The following MCM2 variants were observed in gnomAD, a reference collection of about 807,000 sequenced individuals.
MCM2 encodes minichromosome maintenance complex component 2, also known as DNA replication licensing factor MCM2.
A neutral mutation model predicts 86.4 loss-of-function variants in MCM2; 49 were observed. That is an observed-to-expected ratio of 0.57 (90% CI 0.45 to 0.72). The LOEUF is 0.72. Ranked by LOEUF, MCM2 falls within the 30% of genes least tolerant of loss-of-function variation. The probability of loss-of-function intolerance (pLI) is 0.00; values close to 1 mark genes in which losing one functional copy is unlikely to be tolerated. For missense variants in MCM2, 1,038 were observed against 1,259.9 expected (o/e 0.82, Z 2.67); for synonymous variants, 475 against 484.6 (o/e 0.98, Z 0.26).
At chr3:127,615,399 C>T (rs552440747) in intron 8 of MCM2, among the ~76,000 whole-genome samples, 1 of 152,372 alleles carries the variant, frequency 6.6e-6, no homozygotes, top group South Asian at 2.1e-4. Flanking sequence ...CTGGTGGACA[C>T]ATCTCCCAGA....
In MCM2 at chr3:127,601,845, G is replaced by C. The variant is rs1309372272; in HGVS notation, c.236+2298G>C. Among the ~76,000 whole-genome samples, 4 of 152,264 alleles carry C rather than the reference G, an allele frequency of 2.6e-5. No individual in the cohort carries two copies. In the East Asian group the frequency reaches 7.7e-4, roughly 29 times the overall value. The stretch of plus-strand genomic sequence containing the variant: ...ACTCCTCCGTGTTCTTGCCAACATT[G>C]GTCTTTTTGATTCTGGCCATCCCTG... On this transcript the variant is annotated intron_variant, in intron 2 of 15. Coordinates refer to ENST00000265056, the MANE Select transcript of MCM2 (RefSeq NM_004526.4).
At chr3:127,603,438 A>C (rs2074320244) in intron 2 of MCM2, among the ~76,000 whole-genome samples, 1 of 150,790 alleles carries the variant, frequency 6.6e-6, no homozygotes, top group African/African-American at 2.4e-5. Flanking sequence ...CTAGGATTAC[A>C]GGCATGAGCC....
rs774491481 is a variant in MCM2 at position 127,620,753 on chromosome 3, C to T, written c.2321C>T (p.Ala774Val). 3 of 1,613,372 alleles carry T rather than the reference C, an allele frequency of 1.9e-6. No homozygotes were observed. Among genetic ancestry groups the T allele is most frequent in the Non-Finnish European group, 2.5e-6 (3 of 1,179,438 alleles). Reference protein sequence around the residue: ...VRHIESMIRMAEAHARIHLRD... With the variant: ...VRHIESMIRMVEAHARIHLRD... ...CACATCGAGTCCATGATCCGCATGG[C>T]GGAGGCCCACGCGCGCATCCATCTG... The change falls in exon 14 of 16, where the codon GCG becomes GTG. Residue 774 changes from alanine to valine, a missense_variant. Coordinates refer to ENST00000265056, the MANE Select transcript of MCM2 (RefSeq NM_004526.4).
chr3:127,607,507 C>G (rs947951888), intron 6 of MCM2, among the ~76,000 whole-genome samples: 2 of 152,204 alleles, frequency 1.3e-5, no homozygotes, highest in Non-Finnish European at 2.9e-5. Flanking sequence ...GAGGTTCCAC[C>G]TGTGGCCACC....
At position 127,606,315 on chromosome 3, in the gene MCM2, G is replaced by C. The variant is rs758336460; in HGVS notation, c.871G>C (p.Val291Leu). ...TGTCCGCATCTCCCACCTGCCTCTG[G>C]TGGAGGAGCTGCGCTCGCTGAGGTG... ...IHVRISHLPL[V>L]EELRSLRQLH... The change falls in exon 5 of 16, where the codon GTG becomes CTG. Residue 291 changes from valine (V) to leucine (L), a missense_variant. By Grantham distance (32) the Val-to-Leu change is conservative. Transcript: ENST00000265056. This position sits in a 1 kb window ranked among gnomAD's most constrained non-coding sequence, Gnocchi z 4.2. The C allele has an allele frequency of 1.2e-6, 2 of 1,614,264 alleles. No homozygotes were observed. Among genetic ancestry groups the C allele is most frequent in the East Asian group, 4.5e-5 (2 of 44,888 alleles).
intron 8 of MCM2, among the ~76,000 whole-genome samples, chr3:127,611,682 CTTTTTTTTTTTTTTTTTTTTTT>C (rs59607211): frequency 1.8e-5 from 1 of 54,282 alleles, no homozygotes; most frequent in Non-Finnish European, 3.1e-5. Flanking sequence ...CTGCAGCTGA[CTTTTTTTTTTTTTTTTTTTTTT>C]TTTTTTTTTT....
rs1399896987 is a variant in MCM2, at chr3:127,617,310, A to G, written c.1805A>G (p.Glu602Gly). The G allele has an allele frequency of 6.2e-7, 1 of 1,614,078 alleles. No individual in the cohort carries two copies. Among genetic ancestry groups the G allele is most frequent in the Non-Finnish European group, 8.5e-7 (1 of 1,179,982 alleles). Residue 602 changes from glutamate to glycine, a missense_variant, in exon 11 of 16, where the codon GAG becomes GGG. Glu to Gly is a moderately conservative substitution (Grantham distance 98). This residue lies in a region of MCM2 where 3 missense variants were observed against 19.6 expected (regional missense o/e 0.15). Coordinates refer to ENST00000265056, the MANE Select transcript of MCM2 (RefSeq NM_004526.4). This position sits in a 1 kb window ranked among gnomAD's most constrained non-coding sequence, Gnocchi z 4.1. ...MNDQDRTSIH[E>G]AMEQQSISIS... ...GACCAGGACAGAACCAGCATCCATG[A>G]GGCCATGGAGCAACAGAGCATCTCC... is the stretch of plus-strand genomic sequence containing the variant.
intron 1 of MCM2, 46 bp downstream of exon 1, chr3:127,598,518 C>T (rs1559859095): frequency 3.7e-6 from 6 of 1,603,750 alleles, no homozygotes; most frequent in South Asian, 3.3e-5. Flanking sequence ...GACATGGGTG[C>T]GGAGGCTGCG....
chr3:127,621,243 G>T lies in MCM2; in HGVS notation c.2604+15G>T. ...TGGTGGATAAGGTATGGGCCCGGAA[G>T]GGAGGTGAGGGTTGGGGTATGCTGA... On this transcript the variant is annotated intron_variant, in intron 15 of 15. Transcript: ENST00000265056. The T allele has an allele frequency of 6.2e-7, 1 of 1,613,432 alleles. No individual in the cohort carries two copies. The highest frequency in any genetic ancestry group is 8.5e-7 in the Non-Finnish European group (1 of 1,179,856).
intron 1 of MCM2, 176 bp from the exon 2 acceptor site, chr3:127,599,142 A>G (rs1046631430): frequency 1.2e-5 from 8 of 658,512 alleles, no homozygotes; most frequent in Admixed American, 2.5e-5. Flanking sequence ...AGCTGAGAGC[A>G]TTCCAGGTGA....
At position 127,606,868 on chromosome 3, in the gene MCM2, A is replaced by AT. The variant is rs1433024808; in HGVS notation, c.1101+52dup. 1.1e-5 allele frequency: 17 copies of AT among 1,566,280 alleles called. No homozygotes were observed. The highest frequency in any genetic ancestry group is 1.5e-5 in the Non-Finnish European group (17 of 1,137,636). ...CCAGCTGTCCTTAGGGGTGCCCAGT[A>AT]TGCAGGACCTGACTGGCCTCTCAGG... On this transcript the variant is annotated intron_variant, in intron 6 of 15. Coordinates refer to ENST00000265056, the MANE Select transcript of MCM2 (RefSeq NM_004526.4). The surrounding 1 kb of genome is among the most constrained non-coding windows in gnomAD (Gnocchi z 4.2).
Position 127,617,150 on chromosome 3 carries a change from C to T in MCM2, c.1773+32C>T, listed in dbSNP as rs765785498. On this transcript the variant is annotated intron_variant, in intron 10 of 15. Transcript: ENST00000265056. The surrounding 1 kb of genome is among the most constrained non-coding windows in gnomAD (Gnocchi z 4.1). ...CCCTGGGTCACGGAGGCTGGTGGAA[C>T]TCAGGGGGTGTGTGTGGGCTTGGGC... The T allele has an allele frequency of 2.5e-6, 4 of 1,608,446 alleles. No individual in the cohort carries two copies. The East Asian group carries it at 6.7e-5, about 27-fold the overall frequency.
At chr3:127,620,628 G>C in intron 13 of MCM2, 70 bp from the exon 14 acceptor site, 1 of 1,493,448 alleles carries the variant, frequency 6.7e-7, no homozygotes, top group Non-Finnish European at 9.0e-7. Flanking sequence ...GGTGCTAAGA[G>C]TGCCGCTGCT....
Position 127,606,009 on chromosome 3 carries a change from C to T in MCM2, c.674-109C>T. On this transcript the variant is annotated intron_variant, in intron 4 of 15. Transcript: ENST00000265056. The surrounding 1 kb of genome is among the most constrained non-coding windows in gnomAD (Gnocchi z 4.2). ...GAAGTGAAAGCTGGGCTTTCTAGGT[C>T]AAAATCAATGGTCGGGGTGGGTAGG... 3 of 793,786 alleles carry T rather than the reference C, an allele frequency of 3.8e-6. No individual in the cohort carries two copies. Among genetic ancestry groups the T allele is most frequent in the Non-Finnish European group, 6.3e-6 (3 of 474,780 alleles). The allele number at this position is 793,786 out of a possible 1,614,324, so 49.2% of individuals were successfully genotyped here.
chr3:127,613,666 C>T (rs1171853023), intron 8 of MCM2, among the ~76,000 whole-genome samples: 1 of 152,138 alleles, frequency 6.6e-6, no homozygotes, highest in Non-Finnish European at 1.5e-5. Context: ...TAAGGCCTGG[C>T]CCACATTTTA....
intron 8 of MCM2, among the ~76,000 whole-genome samples, chr3:127,611,384 C>T (rs1025126731): frequency 6.6e-6 from 1 of 152,196 alleles, no homozygotes; most frequent in African/African-American, 2.4e-5. Flanking sequence ...GAGCTTCAGC[C>T]ACTAATCTCC....
chr3:127,617,820 T>G lies in MCM2; in HGVS notation c.1901-149T>G, dbSNP rs1375365007. ...TTGGGCCCTGGTTAGGGTAAGCTCT[T>G]TGCTGTCTCAGACAGCAGGTGCTAA... On this transcript the variant is annotated intron_variant, in intron 11 of 15. Coordinates refer to ENST00000265056, the MANE Select transcript of MCM2 (RefSeq NM_004526.4). This position sits in a 1 kb window ranked among gnomAD's most constrained non-coding sequence, Gnocchi z 4.1. 4.6e-6 allele frequency: 3 copies of G among 648,586 alleles called. No individual in the cohort carries two copies. In the African/African-American group the frequency reaches 5.4e-5, roughly 12 times the overall value. 40.2% of individuals were successfully genotyped at this position (648,586 alleles called of 1,614,324 possible). A position where few individuals can be genotyped will look rare whatever the true frequency, so the allele number is the denominator to read the frequency against.
intron 1 of MCM2, chr3:127,599,088 G>T: frequency 1.7e-6 from 1 of 581,896 alleles, no homozygotes. Flanking sequence ...CCCGATATTT[G>T]AGCTGGCTTC....
intron 2 of MCM2, among the ~76,000 whole-genome samples, chr3:127,603,124 C>T (rs1201562501): frequency 2.0e-5 from 3 of 147,074 alleles, no homozygotes; most frequent in Non-Finnish European, 4.5e-5. Flanking sequence ...CCTCAGCTTC[C>T]CAAGTAGCTG....
Sources: allele counts gnomAD v4.1 joint callset (sites outside exome capture counted in the v4.1 genomes callset), GRCh38; gene constraint gnomAD v4.1.1; regional missense constraint gnomAD v4.1.1; non-coding constraint Gnocchi (gnomAD v3.1); transcripts MANE v1.5; gene names NCBI Gene and HGNC (gene_info 2026-07-23, HGNC 2026-07-21).